RPS6KA1: variants seen among roughly 807,000 people sequenced by gnomAD.
RPS6KA1 encodes ribosomal protein S6 kinase A1.
RPS6KA1 carries 48 observed loss-of-function variants against 91.3 expected under a neutral mutation model. The ratio of observed to expected loss-of-function variants is 0.53; its 90% CI spans 0.42 to 0.67. The LOEUF (loss-of-function observed/expected upper bound fraction) is 0.67. Ranked by LOEUF, RPS6KA1 falls within the 30% of genes least tolerant of loss-of-function variation. The probability of loss-of-function intolerance (pLI) is 0.00; values close to 1 mark genes in which losing one functional copy is unlikely to be tolerated. For synonymous variants in RPS6KA1, 359 were observed against 384.7 expected (o/e 0.93, Z 0.78); for missense variants, 719 against 960.5 (o/e 0.75, Z 3.32).
chr1:26,554,319 C>A lies in RPS6KA1; in HGVS notation c.613+68C>A. On this transcript the variant is annotated intron_variant, in intron 8 of 21. Transcript: ENST00000374168. The surrounding 1 kb of genome is among the most constrained non-coding windows in gnomAD (Gnocchi z 4.6). ...AGGACAAGGTCATGATAGGTCTCGGCTGAGTGCTGGGGGCTCATTCTTCCC... is the reference window on the plus strand; with the variant it reads ...AGGACAAGGTCATGATAGGTCTCGGATGAGTGCTGGGGGCTCATTCTTCCC... 1.3e-6 allele frequency: 2 copies of A among 1,481,560 alleles called. No homozygotes were observed. The highest frequency in any genetic ancestry group is 1.8e-6 in the Non-Finnish European group (2 of 1,088,292). 91.8% of individuals were successfully genotyped at this position (1,481,560 alleles called of 1,614,324 possible). A position where few individuals can be genotyped will look rare whatever the true frequency, so the allele number is the denominator to read the frequency against.
At chr1:26,570,789 A>G (rs2076242370) in intron 17 of RPS6KA1, among the ~76,000 whole-genome samples, 2 of 152,248 alleles carry the variant, frequency 1.3e-5, no homozygotes, top group Admixed American at 1.3e-4. Flanking sequence ...GGGAAGTGCT[A>G]CAGATAAAAG....
intron 1 of RPS6KA1, among the ~76,000 whole-genome samples, chr1:26,531,862 C>T (rs12118996): frequency 0.018 from 2,746 of 152,276 alleles, 37 homozygotes; most frequent in Non-Finnish European, 0.026. Flanking sequence ...AGGTGCCAGG[C>T]GACTGGGTGT....
chr1:26,534,115 C>A (rs912209334), intron 1 of RPS6KA1, among the ~76,000 whole-genome samples: 3 of 152,362 alleles, frequency 2.0e-5, no homozygotes, highest in Admixed American at 6.5e-5. Context: ...TCCTCCCCAC[C>A]CTCAGTAGGC....
chr1:26,548,141 G>A (rs1450894368), intron 4 of RPS6KA1, among the ~76,000 whole-genome samples: 1 of 152,152 alleles, frequency 6.6e-6, no homozygotes, highest in African/African-American at 2.4e-5. Context: ...GGTATCCTAA[G>A]GCCAGCCTGG....
chr1:26,537,916 G>A (rs1361388440), intron 2 of RPS6KA1, among the ~76,000 whole-genome samples: 1 of 152,228 alleles, frequency 6.6e-6, no homozygotes, highest in East Asian at 1.9e-4. Context: ...GGCAGCTTCG[G>A]TGCCAGCACC....
intron 1 of RPS6KA1, among the ~76,000 whole-genome samples, chr1:26,536,314 G>A (rs1331948913): frequency 3.3e-5 from 5 of 152,232 alleles, no homozygotes; most frequent in Admixed American, 1.3e-4. Flanking sequence ...AGGCCTGTGT[G>A]TAAATAGTCC....
At chr1:26,539,285 T>C (rs1485384620) in intron 2 of RPS6KA1, among the ~76,000 whole-genome samples, 1 of 152,192 alleles carries the variant, frequency 6.6e-6, no homozygotes, top group African/African-American at 2.4e-5. Flanking sequence ...TTGCCGTGCA[T>C]GGCCGAGGAA....
Position 26,529,870 on chromosome 1 carries a change from G to A in RPS6KA1, c.-51G>A. 2 of 1,376,762 alleles carry A rather than the reference G, an allele frequency of 1.5e-6. No homozygotes were observed. The highest frequency in any genetic ancestry group is 1.9e-6 in the Non-Finnish European group (2 of 1,056,764). 85.3% of individuals were successfully genotyped at this position (1,376,762 alleles called of 1,614,324 possible). ...AGCCAGGGACCCCAGGACCCGGGAG[G>A]CGGCGCAGCCGGGGCCGCCGGAGGA... On this transcript the variant is annotated 5_prime_UTR_variant, in exon 1 of 22. Transcript: ENST00000374168. The surrounding 1 kb of genome is among the most constrained non-coding windows in gnomAD (Gnocchi z 4.2).
At chr1:26,573,987 C>T in intron 21 of RPS6KA1, 92 bp from the exon 22 acceptor site, 2 of 1,420,068 alleles carry the variant, frequency 1.4e-6, no homozygotes, top group South Asian at 2.7e-5. Flanking sequence ...GGCTGTGGAA[C>T]ACTGAGAGGG....
chr1:26,570,499 A>T (rs544458281), intron 17 of RPS6KA1, among the ~76,000 whole-genome samples: 1 of 152,058 alleles, frequency 6.6e-6, no homozygotes, highest in East Asian at 1.9e-4. Flanking sequence ...AAAACAAAAC[A>T]AAAAAGCCTT....
At position 26,547,653 on chromosome 1, in the gene RPS6KA1, C is replaced by G. The variant is rs919637389; in HGVS notation, c.307+383C>G. 9 of 229,006 alleles carry G rather than the reference C, an allele frequency of 3.9e-5. No homozygotes were observed. Among genetic ancestry groups the G allele is most frequent in the Admixed American group, 1.5e-4 (3 of 19,932 alleles). The allele number at this position is 229,006 out of a possible 1,614,324, so 14.2% of individuals were successfully genotyped here. On this transcript the variant is annotated intron_variant, in intron 4 of 21. Transcript: ENST00000374168. This position sits in a 1 kb window ranked among gnomAD's most constrained non-coding sequence, Gnocchi z 4.1. ...GGGCGTGAGTGAAGAGGCAGGGAGCCCAGGGAGGCAGCTGGGCTAGGCAAG... is the reference window on the plus strand; with the variant it reads ...GGGCGTGAGTGAAGAGGCAGGGAGCGCAGGGAGGCAGCTGGGCTAGGCAAG...
rs2076080615 is a variant in RPS6KA1, at chr1:26,554,429, T to C, written c.614-167T>C. On this transcript the variant is annotated intron_variant, in intron 8 of 21. Coordinates refer to ENST00000374168, the MANE Select transcript of RPS6KA1 (RefSeq NM_002953.4). The surrounding 1 kb of genome is among the most constrained non-coding windows in gnomAD (Gnocchi z 4.6). ...CCTCAGCTGGAATCCCAGCCCCTCA[T>C]TGTGTAACGTTGAGCAAGTCACCTG... is the stretch of plus-strand genomic sequence containing the variant. 6.3e-6 allele frequency: 7 copies of C among 1,118,692 alleles called. No homozygotes were observed. Among genetic ancestry groups the C allele is most frequent in the Non-Finnish European group, 7.8e-6 (6 of 771,566 alleles). The allele number at this position is 1,118,692 out of a possible 1,614,324, so 69.3% of individuals were successfully genotyped here.
intron 21 of RPS6KA1, 148 bp downstream of exon 21, chr1:26,573,509 G>C (rs1265782849): frequency 1.2e-5 from 11 of 935,058 alleles, no homozygotes; most frequent in Non-Finnish European, 1.6e-5. Flanking sequence ...CTGCCGTCAG[G>C]GAGCCTAACA....
At chr1:26,531,046 A>G (rs1010393062) in intron 1 of RPS6KA1, 2 of 458,490 alleles carry the variant, frequency 4.4e-6, no homozygotes, top group East Asian at 1.1e-4. Flanking sequence ...TCTCTTACCT[A>G]GGGCAGCCAC....
intron 14 of RPS6KA1, 66 bp from the exon 15 acceptor site, chr1:26,560,660 G>A (rs1557508847): frequency 1.2e-6 from 2 of 1,606,120 alleles, no homozygotes; most frequent in Non-Finnish European, 1.7e-6. Context: ...CAAGACCTTA[G>A]GTCCTGGGGG....
chr1:26,562,224 G>T (rs2076160092), intron 17 of RPS6KA1, among the ~76,000 whole-genome samples: 1 of 152,092 alleles, frequency 6.6e-6, no homozygotes, highest in Non-Finnish European at 1.5e-5. Flanking sequence ...ACATAAATAA[G>T]ATTTACATTA....
At chr1:26,537,776 C>T (rs2124616112) in intron 2 of RPS6KA1, among the ~76,000 whole-genome samples, 1 of 152,356 alleles carries the variant, frequency 6.6e-6, no homozygotes, top group Admixed American at 6.5e-5. Flanking sequence ...GTCCTGGCTC[C>T]ATCCCCACCA....
At chr1:26,530,732 C>T in intron 1 of RPS6KA1, 1 of 1,281,672 alleles carries the variant, frequency 7.8e-7, no homozygotes, top group African/African-American at 1.5e-5. Flanking sequence ...CAACCCAGCT[C>T]CTTCTCTCTC....
At chr1:26,567,776 C>T (rs1489959227) in intron 17 of RPS6KA1, among the ~76,000 whole-genome samples, 1 of 152,124 alleles carries the variant, frequency 6.6e-6, no homozygotes, top group Non-Finnish European at 1.5e-5. Context: ...CTGTGATGTC[C>T]ATCATTTCCC....
Sources: gnomAD v4.1 joint callset for allele counts (sites outside exome capture counted in the v4.1 genomes callset) on GRCh38, gnomAD v4.1.1 for gene constraint, Gnocchi (gnomAD v3.1) non-coding constraint, MANE v1.5 for transcripts, NCBI Gene and HGNC (gene_info 2026-07-23, HGNC 2026-07-21) for gene names.